ZMAT1: variants seen among roughly 807,000 people sequenced by gnomAD.
ZMAT1 encodes zinc finger matrin-type 1.
A neutral mutation model predicts 18.5 loss-of-function variants in ZMAT1; 11 were observed. That is an observed-to-expected ratio of 0.59 (90% CI 0.37 to 0.98). ZMAT1 has a LOEUF of 0.98. ZMAT1 is among the 50% of genes least tolerant of loss of function. The pLI, the probability that ZMAT1 is intolerant of heterozygous loss-of-function variation, is 0.01. For synonymous variants in ZMAT1, 211 were observed against 176.4 expected, an observed-to-expected ratio of 1.20 and a Z score of -1.55; for missense variants, 525 against 496.2, an observed-to-expected ratio of 1.06 and a Z score of -0.55.
chrX:101,908,782 G>A (rs898846400), intron 1 of ZMAT1, among the ~76,000 whole-genome samples: 1 of 111,399 alleles, frequency 9.0e-6, no homozygotes, highest in African/African-American at 3.3e-5. Flanking sequence ...TACCTCTGAG[G>A]GCCAAAGTGC....
At chrX:101,890,934 G>A (rs1927342977) in intron 4 of ZMAT1, among the ~76,000 whole-genome samples, 1 of 111,341 alleles carries the variant, frequency 9.0e-6, no homozygotes, top group African/African-American at 3.3e-5. Flanking sequence ...GGCAAAATGG[G>A]TCAGATCAAA....
chrX:101,915,048 C>A (rs1929227468), intron 1 of ZMAT1, among the ~76,000 whole-genome samples: 1 of 109,863 alleles, frequency 9.1e-6, no homozygotes, highest in African/African-American at 3.3e-5. Flanking sequence ...ACAAATTAAT[C>A]AATGAGATAC....
rs199660562 is a variant in ZMAT1 at position 101,886,640 on chromosome X, A to G, written c.768T>C (p.His256=). The G allele has an allele frequency of 1.2e-5, 14 of 1,196,849 alleles. No individual in the cohort carries two copies. The highest frequency in any genetic ancestry group is 1.6e-5 in the Non-Finnish European group (14 of 888,115). ...MFRSHMQGSE[H]QIKESIVINL... is the part of the protein sequence containing the mutation. ...TTGGCAAAAATACTTACTTAATTTG[A>G]TGTTCACTTCCTTGCATGTGGGACC... Residue 256 remains histidine (H), a synonymous_variant, in exon 5 of 6, where the codon CAT becomes CAC. Transcript: ENST00000651725.
intron 2 of ZMAT1, among the ~76,000 whole-genome samples, chrX:101,898,972 C>T (rs111274897): frequency 1.8e-5 from 2 of 110,570 alleles, no homozygotes; most frequent in African/African-American, 3.3e-5. Flanking sequence ...CACTTGAACC[C>T]GGGAGGTGGA....
At chrX:101,930,933 A>G (rs1460082278) in intron 1 of ZMAT1, among the ~76,000 whole-genome samples, 2 of 112,272 alleles carry the variant, frequency 1.8e-5, no homozygotes, top group Non-Finnish European at 3.8e-5. Context: ...GTTGGTAGGT[A>G]CAACAGAACT....
At position 101,931,769 on chromosome X, in the gene ZMAT1, C is replaced by A; in HGVS notation, c.240G>T (p.Ala80=). 7.8e-6 allele frequency: 6 copies of A among 772,622 alleles called. No individual in the cohort carries two copies. Among genetic ancestry groups the A allele is most frequent in the Non-Finnish European group, 9.2e-6 (6 of 652,429 alleles). The allele number at this position is 772,622 out of a possible 1,213,427, so 63.7% of individuals were successfully genotyped here. A position where few individuals can be genotyped will look rare whatever the true frequency, so the allele number is the denominator to read the frequency against. Residue 80 remains alanine (A), a synonymous_variant, in exon 1 of 6, where the codon GCG becomes GCT. Coordinates refer to ENST00000651725, the MANE Select transcript of ZMAT1 (RefSeq NM_001394560.1). The stretch of plus-strand genomic sequence containing the variant: ...CTTTAAAACTACTGCCCCCCCTCCC[C>A]GCCGCCGCCATAGTGGAGCCGCCAA... ...GGFGGSTMAA[A]GRGGSSFKVD...
At chrX:101,927,301 C>T (rs1930114697) in intron 1 of ZMAT1, among the ~76,000 whole-genome samples, 1 of 111,985 alleles carries the variant, frequency 8.9e-6, no homozygotes, top group African/African-American at 3.2e-5. Flanking sequence ...AAAGGTCACA[C>T]TCTGTTTAAG....
chrX:101,894,313 A>T (rs1009949704), intron 4 of ZMAT1: 1 of 454,701 alleles, frequency 2.2e-6, no homozygotes, highest in African/African-American at 2.7e-5. Context: ...TCTAGGAAAG[A>T]TCTTGAGGAC....
intron 4 of ZMAT1, among the ~76,000 whole-genome samples, chrX:101,895,187 C>T (rs1281871574): frequency 2.7e-5 from 3 of 111,734 alleles, no homozygotes; most frequent in African/African-American, 6.5e-5. Flanking sequence ...CTAGTTTACA[C>T]GCTCGCTCCT....
Position 101,883,697 on chromosome X carries a change from C to A in ZMAT1, c.1901G>T (p.Arg634Ile). 8.3e-7 allele frequency: 1 copy of A among 1,207,989 alleles called. No homozygotes were observed. The highest frequency in any genetic ancestry group is 1.8e-5 in the African/African-American group (1 of 57,121). The change falls in exon 6 of 6, where the codon AGA becomes ATA. Residue 634 changes from arginine (R) to isoleucine (I), a missense_variant. Coordinates refer to ENST00000651725, the MANE Select transcript of ZMAT1 (RefSeq NM_001394560.1). ...DTDLDKDKSIRQRKREEDRVK... is the reference protein window; with the variant it reads ...DTDLDKDKSIIQRKREEDRVK... ...TCTATCCTCCTCTCTTTTCCTTTGT[C>A]TGATGCTCTTGTCTTTGTCTAAATC... is the stretch of plus-strand genomic sequence containing the variant.
chrX:101,886,951 T>G, intron 4 of ZMAT1: 3 of 320,735 alleles, frequency 9.4e-6, no homozygotes, highest in Non-Finnish European at 1.6e-5. Flanking sequence ...ATGCCCAGAA[T>G]TCTTTACACC....
chrX:101,885,774 C>G (rs1253079605), intron 5 of ZMAT1, among the ~76,000 whole-genome samples: 2 of 110,585 alleles, frequency 1.8e-5, no homozygotes, highest in Non-Finnish European at 3.8e-5. Context: ...GCCTCAACAC[C>G]CTGGACTCAA....
intron 1 of ZMAT1, among the ~76,000 whole-genome samples, chrX:101,920,580 G>A: frequency 8.9e-6 from 1 of 111,758 alleles, no homozygotes; most frequent in Non-Finnish European, 1.9e-5. Context: ...TTAAAAGGTA[G>A]ACTGTGAGTT....
chrX:101,927,037 G>C (rs1020471896), intron 1 of ZMAT1, among the ~76,000 whole-genome samples: 5 of 112,357 alleles, frequency 4.5e-5, no homozygotes, highest in Non-Finnish European at 7.5e-5. Context: ...CAGATTTCAA[G>C]TCAGGCATTA....
chrX:101,904,812 T>C (rs775057967), intron 1 of ZMAT1, among the ~76,000 whole-genome samples: 1 of 110,852 alleles, frequency 9.0e-6, no homozygotes, highest in South Asian at 3.9e-4. Flanking sequence ...TAGCTGGGCA[T>C]GGTGGCATGC....
chrX:101,906,877 C>A (rs1928656054), intron 1 of ZMAT1, among the ~76,000 whole-genome samples: 1 of 110,672 alleles, frequency 9.0e-6, no homozygotes, highest in Non-Finnish European at 1.9e-5. Context: ...CAGCACCAGG[C>A]CCCAGGCTCC....
chrX:101,892,811 G>T, intron 4 of ZMAT1: 1 of 593,218 alleles, frequency 1.7e-6, no homozygotes, highest in Non-Finnish European at 2.0e-6. Context: ...AGAAAGATTA[G>T]ATATGGGAGA....
rs372347896 is a variant in ZMAT1, at chrX:101,929,852, A to G, written c.292+1865T>C. Among the ~76,000 whole-genome samples, 29 of 111,739 alleles carry G rather than the reference A, an allele frequency of 2.6e-4. 3 individuals are homozygous for G. The highest frequency in any genetic ancestry group is 2.0e-3 in the East Asian group (7 of 3,545). On this transcript the variant is annotated intron_variant, in intron 1 of 5. Coordinates refer to ENST00000651725, the MANE Select transcript of ZMAT1 (RefSeq NM_001394560.1). The stretch of plus-strand genomic sequence containing the variant: ...CAGCAAAATCATGGTTGATACTTTC[A>G]GATCTGAAATCAACCCTCGGAGTGT...
chrX:101,928,533 A>G (rs1930195624), intron 1 of ZMAT1, among the ~76,000 whole-genome samples: 1 of 111,861 alleles, frequency 8.9e-6, no homozygotes, highest in Non-Finnish European at 1.9e-5. Context: ...AATTTTTTGT[A>G]TTTTTAGTAC....
Sources: allele counts gnomAD v4.1 joint callset (sites outside exome capture counted in the v4.1 genomes callset), GRCh38; gene constraint gnomAD v4.1.1; transcripts MANE v1.5; gene names NCBI Gene and HGNC (gene_info 2026-07-23, HGNC 2026-07-21).